PAAF1: variants seen among roughly 807,000 people sequenced by gnomAD.
PAAF1 encodes the protein proteasomal ATPase-associated factor 1.
A neutral mutation model predicts 52.8 loss-of-function variants in PAAF1; 46 were observed. The observed-to-expected ratio is 0.87, with a 90% CI of 0.69 to 1.11. The LOEUF (loss-of-function observed/expected upper bound fraction) is 1.11. Among genes scored for constraint, PAAF1 ranks in the 50% most tolerant of loss-of-function variants. The pLI, the probability that PAAF1 is intolerant of heterozygous loss-of-function variation, is 0.00. For synonymous variants in PAAF1, 178 were observed against 172.8 expected (o/e 1.03, Z -0.24); for missense variants, 424 against 477.4 (o/e 0.89, Z 1.04).
At position 73,909,391 on chromosome 11, in the gene PAAF1, C is replaced by T. The variant is rs768062742; in HGVS notation, c.533-8C>T. 4.7e-5 allele frequency: 75 copies of T among 1,612,178 alleles called. No individual in the cohort carries two copies. Among genetic ancestry groups the T allele is most frequent in the Non-Finnish European group, 6.1e-5 (72 of 1,179,272 alleles). On this transcript the variant is annotated splice_polypyrimidine_tract_variant and splice_region_variant and intron_variant, in intron 6 of 11. Coordinates refer to ENST00000310571, the MANE Select transcript of PAAF1 (RefSeq NM_025155.3). The stretch of plus-strand genomic sequence containing the variant: ...CCTCCATCTTAGGGAGTTTTTTTCT[C>T]TTGCTAGGTATCCTGGATACAGCCA...
intron 3 of PAAF1, chr11:73,889,239 T>G (rs1591053400): frequency 1.4e-6 from 2 of 1,441,606 alleles, no homozygotes; most frequent in East Asian, 5.2e-5. Flanking sequence ...CTGAGTGGGT[T>G]CAGACAGTAA....
At chr11:73,925,427 T>C (rs1299398718) in intron 11 of PAAF1, among the ~76,000 whole-genome samples, 1 of 150,118 alleles carries the variant, frequency 6.7e-6, no homozygotes, top group Admixed American at 6.7e-5. Context: ...GATTGTACCA[T>C]TGCACTCTAG....
intron 6 of PAAF1, among the ~76,000 whole-genome samples, chr11:73,900,765 G>A (rs951922586): frequency 6.6e-6 from 1 of 151,978 alleles, no homozygotes; most frequent in East Asian, 1.9e-4. Flanking sequence ...GGCGGATCAC[G>A]AGGTCAGGAG....
chr11:73,903,981 A>G (rs1361097185), intron 6 of PAAF1, among the ~76,000 whole-genome samples: 8 of 149,462 alleles, frequency 5.4e-5, no homozygotes, highest in African/African-American at 1.7e-4. Context: ...CTACTTGGAA[A>G]GCTGAGGCAG....
intron 8 of PAAF1, among the ~76,000 whole-genome samples, chr11:73,915,007 G>A (rs1351240836): frequency 6.6e-6 from 1 of 151,938 alleles, no homozygotes; most frequent in African/African-American, 2.4e-5. Context: ...GCCCAGCCCT[G>A]AATCCCAGTT....
chr11:73,919,706 C>A lies in PAAF1; in HGVS notation c.1018+674C>A, dbSNP rs116022224. On this transcript the variant is annotated intron_variant, in intron 10 of 11. Coordinates refer to ENST00000310571, the MANE Select transcript of PAAF1 (RefSeq NM_025155.3). ...AATGGTGTTGGGGAAATGCCTGGAG[C>A]AAAGTGTACATTAAGGGACACTGGA... 1.9e-3 allele frequency among the ~76,000 whole-genome samples: 293 copies of A among 152,236 alleles called. 1 individual carries two copies. Among genetic ancestry groups the A allele is most frequent in the African/African-American group, 6.8e-3 (284 of 41,550 alleles).
chr11:73,884,234 C>G (rs1203469468), intron 2 of PAAF1, among the ~76,000 whole-genome samples: 1 of 152,084 alleles, frequency 6.6e-6, no homozygotes, highest in African/African-American at 2.4e-5. Context: ...GGCAGGGTAA[C>G]TCACCCTGTA....
intron 3 of PAAF1, 23 bp from the exon 4 acceptor site, chr11:73,891,089 C>G (rs1213208610): frequency 7.0e-6 from 10 of 1,421,100 alleles, no homozygotes; most frequent in Non-Finnish European, 9.9e-6. Context: ...ACTGATGAAT[C>G]TCATCTTTTC....
At position 73,915,947 on chromosome 11, in the gene PAAF1, C is replaced by G. The variant is rs73549988; in HGVS notation, c.820-598C>G. ...TGAGTTTCCATGCTGGCTTTTACTT[C>G]CAGAGGGAAATCAGGTTTTTTTGTT... is the stretch of plus-strand genomic sequence containing the variant. On this transcript the variant is annotated intron_variant, in intron 8 of 11. Coordinates refer to ENST00000310571, the MANE Select transcript of PAAF1 (RefSeq NM_025155.3). Among the ~76,000 whole-genome samples the G allele has an allele frequency of 5.6e-3, 853 of 152,242 alleles. 8 individuals carry two copies. The highest frequency in any genetic ancestry group is 0.019 in the African/African-American group (808 of 41,524).
intron 4 of PAAF1, among the ~76,000 whole-genome samples, chr11:73,896,872 G>C (rs1473748821): frequency 6.6e-6 from 1 of 151,504 alleles, no homozygotes; most frequent in Admixed American, 6.5e-5. Context: ...CAGTAGGCGC[G>C]GCCAGGCAGA....
intron 11 of PAAF1, among the ~76,000 whole-genome samples, chr11:73,926,589 G>A (rs1210070788): frequency 1.3e-5 from 2 of 152,102 alleles, no homozygotes; most frequent in African/African-American, 2.4e-5. Flanking sequence ...GGTGTGTGTA[G>A]TCCCAGCTAC....
chr11:73,917,698 C>G (rs1462071556), intron 9 of PAAF1, among the ~76,000 whole-genome samples: 3 of 152,026 alleles, frequency 2.0e-5, no homozygotes, highest in East Asian at 1.9e-4. Flanking sequence ...ATGGCGAAAC[C>G]CTGTCTCTAC....
chr11:73,927,542 T>C lies in PAAF1; in HGVS notation c.*180T>C. On this transcript the variant is annotated 3_prime_UTR_variant, in exon 12 of 12. Coordinates refer to ENST00000310571, the MANE Select transcript of PAAF1 (RefSeq NM_025155.3). ...TCTCATCCCAAGACCTACTTTGAAC[T>C]GAGTAAGAAGGTCATTGTGCCCACT... 1.6e-6 allele frequency: 1 copy of C among 613,410 alleles called. No individual in the cohort carries two copies. The allele number at this position is 613,410 out of a possible 1,614,324, so 38.0% of individuals were successfully genotyped here.
At position 73,928,709 on chromosome 11, in the gene PAAF1, ATGT is replaced by A. The variant is rs1172890143; in HGVS notation, c.*1353_*1355del. The A allele has an allele frequency of 6.6e-6, 1 of 152,096 alleles. No homozygotes were observed. The highest frequency in any genetic ancestry group is 2.4e-5 in the African/African-American group (1 of 41,438). 9.4% of individuals were successfully genotyped at this position (152,096 alleles called of 1,614,324 possible). A position where few individuals can be genotyped will look rare whatever the true frequency, so the allele number is the denominator to read the frequency against. On this transcript the variant is annotated 3_prime_UTR_variant, in exon 12 of 12. Coordinates refer to ENST00000310571, the MANE Select transcript of PAAF1 (RefSeq NM_025155.3). Reference sequence around the variant, plus strand: ...AAGGTCATTTCTGGCTGGGGTAATAATGTTGTTGACAGAGTTCTTTTTTTTGTT... The same window carrying A: ...AAGGTCATTTCTGGCTGGGGTAATAATGTTGACAGAGTTCTTTTTTTTGTT...
At chr11:73,920,613 GA>G (rs771234830) in intron 10 of PAAF1, among the ~76,000 whole-genome samples, 6 of 152,250 alleles carry the variant, frequency 3.9e-5, no homozygotes, top group Non-Finnish European at 7.4e-5. Flanking sequence ...AGCACTTTGG[GA>G]AGCTGAAGCG....
At chr11:73,881,636 TTAA>T (rs1477456828) in intron 2 of PAAF1, among the ~76,000 whole-genome samples, 2 of 149,758 alleles carry the variant, frequency 1.3e-5, no homozygotes, top group African/African-American at 5.0e-5. Flanking sequence ...AGCAACAAAC[TTAA>T]TGTTGTTGTT....
At chr11:73,925,231 T>G (rs1591141884) in intron 11 of PAAF1, among the ~76,000 whole-genome samples, 1 of 149,890 alleles carries the variant, frequency 6.7e-6, no homozygotes, top group African/African-American at 2.5e-5. Context: ...CTGAAGCAGG[T>G]GGATCACTTG....
At position 73,931,002 on chromosome 11, in the gene PAAF1, G is replaced by T. The variant is rs182189951; in HGVS notation, c.*3640G>T. ...TTTGAGGTGATGGATATGTTAACTG[G>T]CTTCATTTAATTATTCCATATTGTA... On this transcript the variant is annotated 3_prime_UTR_variant, in exon 12 of 12. Coordinates refer to ENST00000310571, the MANE Select transcript of PAAF1 (RefSeq NM_025155.3). 4.9e-4 allele frequency: 75 copies of T among 152,092 alleles called. No homozygotes were observed. The highest frequency in any genetic ancestry group is 1.7e-3 in the African/African-American group (71 of 41,472). The allele number at this position is 152,092 out of a possible 1,614,324, so 9.4% of individuals were successfully genotyped here. A position where few individuals can be genotyped will look rare whatever the true frequency, so the allele number is the denominator to read the frequency against.
intron 7 of PAAF1, among the ~76,000 whole-genome samples, chr11:73,913,166 C>T (rs7107228): frequency 1.5e-3 from 233 of 152,316 alleles, no homozygotes; most frequent in African/African-American, 5.4e-3. Context: ...CGTGAGCCAC[C>T]GCACCTGGCC....
Sources: allele counts gnomAD v4.1 joint callset (sites outside exome capture counted in the v4.1 genomes callset), GRCh38; gene constraint gnomAD v4.1.1; transcripts MANE v1.5; gene names NCBI Gene and HGNC (gene_info 2026-07-23, HGNC 2026-07-21).